Variants in YPEL2 observed in about 807,000 individuals in gnomAD.
YPEL2 encodes yippee like 2, also known as protein yippee-like 2.
Under a neutral mutation model 19.1 loss-of-function variants are expected in YPEL2, and 2 were observed. The observed-to-expected ratio is 0.10, with a 90% CI of 0.04 to 0.33. The LOEUF (loss-of-function observed/expected upper bound fraction) is 0.33. Among genes scored for constraint, YPEL2 ranks in the 10% least tolerant of loss-of-function variants. The probability of loss-of-function intolerance (pLI) is 1.00; values close to 1 mark genes in which losing one functional copy is unlikely to be tolerated. For synonymous variants in YPEL2, 52 were observed against 50.0 expected (o/e 1.04, Z -0.17); for missense variants, 66 against 140.7 (o/e 0.47, Z 2.68).
chr17:59,338,064 C>T (rs2047708627), intron 1 of YPEL2, among the ~76,000 whole-genome samples: 2 of 152,194 alleles, frequency 1.3e-5, no homozygotes, highest in Non-Finnish European at 2.9e-5. Flanking sequence ...ATTCCTGTTA[C>T]CTGGATGGCT....
intron 1 of YPEL2, among the ~76,000 whole-genome samples, chr17:59,340,175 T>G (rs949300915): frequency 2.0e-5 from 3 of 151,938 alleles, no homozygotes; most frequent in South Asian, 2.1e-4. Flanking sequence ...TGGTGTGATC[T>G]CAGCTCACTG....
intron 2 of YPEL2, among the ~76,000 whole-genome samples, chr17:59,367,161 A>G (rs866616351): frequency 3.9e-5 from 6 of 152,340 alleles, no homozygotes; most frequent in African/African-American, 1.2e-4. Context: ...TTCAGTAAAC[A>G]TTAATTGAGT....
rs572803618 is a variant in YPEL2 at position 59,394,417 on chromosome 17, C to T, written c.271-2684C>T. ...CGCTCCCCACATCTCAGACGATGGG[C>T]GGCCGGGCAGAGACGCTCCTCACTT... is the stretch of plus-strand genomic sequence containing the variant. On this transcript the variant is annotated intron_variant, in intron 4 of 4. Transcript: ENST00000312655. Among the ~76,000 whole-genome samples, 336 of 148,032 alleles carry T rather than the reference C, an allele frequency of 2.3e-3. 4 individuals are homozygous for T. The highest frequency in any genetic ancestry group is 8.1e-3 in the African/African-American group (321 of 39,650).
At chr17:59,377,743 G>C (rs556097002) in intron 2 of YPEL2, among the ~76,000 whole-genome samples, 2 of 152,304 alleles carry the variant, frequency 1.3e-5, no homozygotes, top group South Asian at 4.1e-4. Context: ...AGTTGGAAGA[G>C]GTGTGGGAGA....
intron 1 of YPEL2, among the ~76,000 whole-genome samples, chr17:59,341,341 G>A (rs1348850273): frequency 6.8e-6 from 1 of 146,440 alleles, no homozygotes; most frequent in Non-Finnish European, 1.5e-5. Flanking sequence ...GCAATGAGCG[G>A]AGATCGCACC....
chr17:59,395,778 T>C (rs1033343263), intron 4 of YPEL2, among the ~76,000 whole-genome samples: 1 of 152,084 alleles, frequency 6.6e-6, no homozygotes, highest in African/African-American at 2.4e-5. Context: ...ACAATTACAG[T>C]TTAAAATTAG....
At chr17:59,338,328 C>T (rs1302130379) in intron 1 of YPEL2, among the ~76,000 whole-genome samples, 2 of 152,124 alleles carry the variant, frequency 1.3e-5, no homozygotes, top group Non-Finnish European at 2.9e-5. Flanking sequence ...TTCAGTTGCA[C>T]CAGAGAAAGT....
chr17:59,379,273 C>T (rs1196302484), intron 2 of YPEL2, among the ~76,000 whole-genome samples: 1 of 152,146 alleles, frequency 6.6e-6, no homozygotes, highest in Non-Finnish European at 1.5e-5. Flanking sequence ...GGATCTAGGG[C>T]TGTTTTGTTT....
intron 2 of YPEL2, among the ~76,000 whole-genome samples, chr17:59,361,042 GC>G (rs1177206253): frequency 1.3e-5 from 2 of 152,150 alleles, no homozygotes; most frequent in African/African-American, 4.8e-5. Context: ...GTGTTGGCCA[GC>G]CTGGTCTCGA....
At chr17:59,379,318 A>G (rs969925200) in intron 2 of YPEL2, among the ~76,000 whole-genome samples, 1 of 152,164 alleles carries the variant, frequency 6.6e-6, no homozygotes, top group African/African-American at 2.4e-5. Context: ...CCTATAGCTT[A>G]CTTTGACCCA....
chr17:59,345,687 A>G (rs1016526578), intron 1 of YPEL2, among the ~76,000 whole-genome samples: 2 of 152,172 alleles, frequency 1.3e-5, no homozygotes, highest in Admixed American at 1.3e-4. Flanking sequence ...ACCGTGAGTC[A>G]ACCTGGGGGA....
At chr17:59,349,853 G>C (rs1035722005) in intron 1 of YPEL2, among the ~76,000 whole-genome samples, 9 of 151,768 alleles carry the variant, frequency 5.9e-5, no homozygotes, top group African/African-American at 2.2e-4. Flanking sequence ...TAGAGACGGG[G>C]TTTCACCATA....
At chr17:59,388,442 AT>A in intron 3 of YPEL2, 72 bp downstream of exon 3, 1 of 1,467,546 alleles carries the variant, frequency 6.8e-7, no homozygotes, top group Middle Eastern at 1.7e-4. Flanking sequence ...ATCCTTGGTG[AT>A]AATTAAACAA....
intron 2 of YPEL2, among the ~76,000 whole-genome samples, chr17:59,375,698 A>T (rs2047917048): frequency 6.6e-6 from 1 of 152,230 alleles, no homozygotes; most frequent in Admixed American, 6.5e-5. Flanking sequence ...AGTGGAGCAG[A>T]TAATCCTGAA....
rs143751036 is a variant in YPEL2 at position 59,351,243 on chromosome 17, C to T, written c.-195-1972C>T. The stretch of plus-strand genomic sequence containing the variant: ...TACAAAAATTAGCCAGGCGTGGTGG[C>T]GGGCGCCTGTAATTCTAGGTACATG... On this transcript the variant is annotated intron_variant, in intron 1 of 4. Coordinates refer to ENST00000312655, the MANE Select transcript of YPEL2 (RefSeq NM_001005404.4). Among the ~76,000 whole-genome samples the T allele has an allele frequency of 8.5e-5, 13 of 152,128 alleles. No individual in the cohort carries two copies. In the East Asian group the frequency reaches 2.3e-3, roughly 27 times the overall value.
At chr17:59,371,760 GT>G (rs1315729750) in intron 2 of YPEL2, among the ~76,000 whole-genome samples, 1 of 152,200 alleles carries the variant, frequency 6.6e-6, no homozygotes, top group Non-Finnish European at 1.5e-5. Flanking sequence ...AACCTCTCCT[GT>G]TTCTTTAGCC....
chr17:59,368,110 G>A (rs2047879522), intron 2 of YPEL2, among the ~76,000 whole-genome samples: 1 of 151,828 alleles, frequency 6.6e-6, no homozygotes, highest in South Asian at 2.1e-4. Context: ...TTGAGACAGA[G>A]TCTCACTCTG....
At chr17:59,361,238 T>TG (rs2047839240) in intron 2 of YPEL2, among the ~76,000 whole-genome samples, 1 of 152,224 alleles carries the variant, frequency 6.6e-6, no homozygotes, top group East Asian at 1.9e-4. Context: ...TGCCTATACT[T>TG]GCTCTTATCA....
chr17:59,367,550 C>A (rs67941865), intron 2 of YPEL2, among the ~76,000 whole-genome samples: 43,504 of 151,974 alleles, frequency 0.29, 6,794 homozygotes, highest in Middle Eastern at 0.42. Flanking sequence ...GGTGAAAGGC[C>A]CAATTAGGCC....
Sources: gnomAD v4.1 joint callset for allele counts (sites outside exome capture counted in the v4.1 genomes callset) on GRCh38, gnomAD v4.1.1 for gene constraint, MANE v1.5 for transcripts, NCBI Gene and HGNC (gene_info 2026-07-23, HGNC 2026-07-21) for gene names.